The following NNMT variants were observed in gnomAD, a reference collection of about 807,000 sequenced individuals.
NNMT encodes nicotinamide N-methyltransferase.
A neutral mutation model predicts 11.7 loss-of-function variants in NNMT; 10 were observed. The ratio of observed to expected loss-of-function variants is 0.85; its 90% CI spans 0.53 to 1.45. The LOEUF is 1.45. NNMT is among the 40% of genes most tolerant of loss of function. NNMT has a pLI of 0.00. For synonymous variants in NNMT, 143 were observed against 133.8 expected, an observed-to-expected ratio of 1.07 and a Z score of -0.48; for missense variants, 381 against 319.4, an observed-to-expected ratio of 1.19 and a Z score of -1.47.
At chr11:114,282,927 G>A (rs779771100) in intron 2 of NNMT, among the ~76,000 whole-genome samples, 3 of 152,218 alleles carry the variant, frequency 2.0e-5, no homozygotes, top group Non-Finnish European at 2.9e-5. Flanking sequence ...TGCATGTTTA[G>A]AAGTGCTCAA....
At chr11:114,272,300 C>A (rs1260805002) in intron 2 of NNMT, among the ~76,000 whole-genome samples, 4 of 152,156 alleles carry the variant, frequency 2.6e-5, no homozygotes, top group African/African-American at 9.7e-5. Context: ...TGTGGAAGGA[C>A]TACAGTGACA....
rs199929982 is a variant in NNMT at position 114,312,093 on chromosome 11, G to A, written c.411G>A (p.Gln137=). 3 of 1,603,454 alleles carry A rather than the reference G, an allele frequency of 1.9e-6. No individual in the cohort carries two copies. The African/African-American group carries it at 4.0e-5, about 21-fold the overall frequency. ...AGAAGTTGAGACAGGCGGTCAAGCA[G>A]GTGCTGAAGTGTGATGTGACTCAGA... ...KEEKLRQAVK[Q]VLKCDVTQSQ... The change falls in exon 3 of 3, where the codon CAG becomes CAA. Residue 137 remains glutamine (Q), a synonymous_variant. Coordinates refer to ENST00000299964, the MANE Select transcript of NNMT (RefSeq NM_006169.3).
At chr11:114,285,614 A>C (rs1945292801) in intron 2 of NNMT, among the ~76,000 whole-genome samples, 1 of 152,230 alleles carries the variant, frequency 6.6e-6, no homozygotes, top group Admixed American at 6.5e-5. Flanking sequence ...TACCAAGCAC[A>C]TGAAATGCTC....
intron 2 of NNMT, among the ~76,000 whole-genome samples, chr11:114,267,467 AC>A (rs1372568838): frequency 6.6e-5 from 10 of 152,176 alleles, no homozygotes; most frequent in Non-Finnish European, 1.5e-5. Context: ...TGTTATGACT[AC>A]AAATGCCAAT....
intron 1 of NNMT, among the ~76,000 whole-genome samples, 182 bp from the exon 2 acceptor site, chr11:114,297,769 G>A (rs1033954236): frequency 2.0e-5 from 3 of 152,300 alleles, no homozygotes; most frequent in East Asian, 1.9e-4. Flanking sequence ...CTGTAGGCAT[G>A]AGCCACTGTG....
chr11:114,268,888 G>A (rs775838044), intron 2 of NNMT, among the ~76,000 whole-genome samples: 32 of 151,984 alleles, frequency 2.1e-4, no homozygotes, highest in Non-Finnish European at 3.5e-4. Flanking sequence ...GGTTTTGTCC[G>A]GTTTTGTCCA....
At chr11:114,262,781 C>G (rs562214271) in intron 1 of NNMT, 2 of 152,336 alleles carry the variant, frequency 1.3e-5, no homozygotes, top group South Asian at 4.2e-4. Context: ...CCCCTGGCTC[C>G]CTATCACCTG....
chr11:114,262,881 C>A (rs1945094412), exon 2 of NNMT: 1 of 152,256 alleles, frequency 6.6e-6, no homozygotes, highest in Non-Finnish European at 1.5e-5. Context: ...CTTCTAGTGA[C>A]ACGAGCTGGA....
chr11:114,288,610 G>T (rs1439471168), intron 2 of NNMT, among the ~76,000 whole-genome samples: 1 of 152,152 alleles, frequency 6.6e-6, no homozygotes, highest in Non-Finnish European at 1.5e-5. Context: ...TCTTGAGTTA[G>T]ATTGCCTGGG....
rs1945378421 is a variant in NNMT, at chr11:114,296,454, T to C, written c.-103T>C. 1.7e-6 allele frequency: 2 copies of C among 1,204,428 alleles called. No homozygotes were observed. The highest frequency in any genetic ancestry group is 2.1e-5 in the Admixed American group (1 of 46,680). 74.6% of individuals were successfully genotyped at this position (1,204,428 alleles called of 1,614,324 possible). On this transcript the variant is annotated 5_prime_UTR_variant, in exon 1 of 3. Coordinates refer to ENST00000299964, the MANE Select transcript of NNMT (RefSeq NM_006169.3). ...AGGGCTGAACTGATGGAAGGAATGC[T>C]GTTAGCCTGAGACTCAGGAAGACAA...
At chr11:114,273,541 A>G (rs570210937) in intron 2 of NNMT, among the ~76,000 whole-genome samples, 2 of 152,282 alleles carry the variant, frequency 1.3e-5, no homozygotes, top group African/African-American at 4.8e-5. Flanking sequence ...CACAGTTGAT[A>G]CTTAATAAAT....
chr11:114,285,681 T>A (rs1019620283), intron 2 of NNMT, among the ~76,000 whole-genome samples: 4 of 152,346 alleles, frequency 2.6e-5, no homozygotes, highest in African/African-American at 9.6e-5. Flanking sequence ...TGCCTTGGAA[T>A]TCTTTCCTGG....
In NNMT at chr11:114,282,230, C is replaced by T. The variant is rs185492468; in HGVS notation, c.-129-14198C>T. On this transcript the variant is annotated intron_variant, in intron 2 of 4. Transcript: ENST00000535401. Reference sequence around the variant, plus strand: ...CAGAGTGAGACCCTGTCTCAACAAACGAACAAACAAATACCCCAAAATTGT... The same window carrying T: ...CAGAGTGAGACCCTGTCTCAACAAATGAACAAACAAATACCCCAAAATTGT... Among the ~76,000 whole-genome samples, 20 of 152,072 alleles carry T rather than the reference C, an allele frequency of 1.3e-4. No individual in the cohort carries two copies. In the East Asian group the frequency reaches 1.5e-3, roughly 12 times the overall value.
chr11:114,308,639 C>T (rs1031508241), intron 2 of NNMT, among the ~76,000 whole-genome samples: 2 of 152,148 alleles, frequency 1.3e-5, no homozygotes, highest in African/African-American at 4.8e-5. Flanking sequence ...GAAATGACCA[C>T]ACCGCTGTTA....
At chr11:114,270,991 G>A (rs1211365265) in intron 2 of NNMT, among the ~76,000 whole-genome samples, 1 of 151,984 alleles carries the variant, frequency 6.6e-6, no homozygotes, top group African/African-American at 2.4e-5. Context: ...TGGCCAGGCT[G>A]GTCTTTAACT....
At chr11:114,281,417 G>A (rs1409612984) in intron 2 of NNMT, among the ~76,000 whole-genome samples, 1 of 152,178 alleles carries the variant, frequency 6.6e-6, no homozygotes, top group African/African-American at 2.4e-5. Context: ...GCACTGGGGA[G>A]TATAGAGGAG....
At chr11:114,298,438 T>C (rs536952476) in intron 2 of NNMT, 4 of 394,674 alleles carry the variant, frequency 1.0e-5, no homozygotes, top group South Asian at 4.9e-5. Context: ...TTCCAGGCCT[T>C]TGGGGACAAG....
At chr11:114,281,657 C>T (rs961195947) in intron 2 of NNMT, among the ~76,000 whole-genome samples, 8 of 152,208 alleles carry the variant, frequency 5.3e-5, no homozygotes, top group Non-Finnish European at 1.0e-4. Context: ...GCACTGTTTA[C>T]TGTTGCAACC....
At chr11:114,276,415 G>T (rs955520058) in intron 2 of NNMT, among the ~76,000 whole-genome samples, 5 of 152,192 alleles carry the variant, frequency 3.3e-5, no homozygotes, top group Non-Finnish European at 5.9e-5. Context: ...CTTGGTAGGA[G>T]CTAGGAGTGC....
Sources: allele counts gnomAD v4.1 joint callset (sites outside exome capture counted in the v4.1 genomes callset), GRCh38; gene constraint gnomAD v4.1.1; transcripts MANE v1.5; gene names NCBI Gene and HGNC (gene_info 2026-07-23, HGNC 2026-07-21).